Variants in CDC16 observed in about 807,000 individuals in gnomAD.
CDC16 encodes cell division cycle 16.
A neutral mutation model predicts 87.0 loss-of-function variants in CDC16; 34 were observed. The observed-to-expected ratio is 0.39, with a 90% CI of 0.30 to 0.52. The LOEUF is 0.52. Among genes scored for constraint, CDC16 ranks in the 20% least tolerant of loss-of-function variants. CDC16 has a pLI of 0.74. For missense variants in CDC16, 653 were observed against 751.9 expected, an observed-to-expected ratio of 0.87 and a Z score of 1.54; for synonymous variants, 263 against 260.6, an observed-to-expected ratio of 1.01 and a Z score of -0.09.
intron 14 of CDC16, among the ~76,000 whole-genome samples, chr13:114,261,461 A>G (rs962944605): frequency 6.6e-6 from 1 of 151,996 alleles, no homozygotes; most frequent in African/African-American, 2.4e-5. Context: ...GGTGCCATTC[A>G]CTGACTGGAG....
chr13:114,256,508 A>G (rs1013628953), intron 12 of CDC16, among the ~76,000 whole-genome samples: 3 of 152,260 alleles, frequency 2.0e-5, no homozygotes, highest in Non-Finnish European at 2.9e-5. Flanking sequence ...TCGTGTGAAC[A>G]GATGAAAATT....
chr13:114,270,500 T>C (rs532817272), intron 17 of CDC16, among the ~76,000 whole-genome samples: 1 of 152,232 alleles, frequency 6.6e-6, no homozygotes, highest in East Asian at 1.9e-4. Flanking sequence ...ACAAAACTAA[T>C]TGGTAGCGAT....
At chr13:114,256,963 G>T in intron 12 of CDC16, 115 bp from the exon 13 acceptor site, 1 of 598,994 alleles carries the variant, frequency 1.7e-6, no homozygotes, top group African/African-American at 1.9e-5. Flanking sequence ...AAAAGTAAAT[G>T]CTGTGTTTTG....
chr13:114,267,859 T>G (rs1037218108), intron 17 of CDC16, among the ~76,000 whole-genome samples: 1 of 151,958 alleles, frequency 6.6e-6, no homozygotes, highest in African/African-American at 2.4e-5. Flanking sequence ...AGTTACTCTC[T>G]CATTCCTCCA....
chr13:114,263,676 C>T (rs1393804738), intron 16 of CDC16, among the ~76,000 whole-genome samples: 1 of 152,204 alleles, frequency 6.6e-6, no homozygotes, highest in Non-Finnish European at 1.5e-5. Flanking sequence ...TGCCCTGGTG[C>T]TAGCACACAC....
At chr13:114,267,432 CAGAGGT>C (rs2139186591) in intron 17 of CDC16, among the ~76,000 whole-genome samples, 1 of 152,068 alleles carries the variant, frequency 6.6e-6, no homozygotes, top group East Asian at 1.9e-4. Context: ...ACCCGGGAGG[CAGAGGT>C]TGCAGTGAGC....
intron 12 of CDC16, among the ~76,000 whole-genome samples, chr13:114,255,525 A>G (rs1566665483): frequency 6.6e-6 from 1 of 152,106 alleles, no homozygotes; most frequent in Non-Finnish European, 1.5e-5. Context: ...CTGTCATGAC[A>G]CTCAAAAAGA....
At chr13:114,242,014 T>C in intron 5 of CDC16, 107 bp from the exon 6 acceptor site, 1 of 1,331,478 alleles carries the variant, frequency 7.5e-7, no homozygotes, top group Non-Finnish European at 1.0e-6. Flanking sequence ...ATCGCACCAC[T>C]GAACTCCAGC....
chr13:114,262,778 T>C, intron 15 of CDC16, 101 bp from the exon 16 acceptor site: 5 of 1,174,272 alleles, frequency 4.3e-6, no homozygotes, highest in African/African-American at 1.5e-5. Flanking sequence ...GCTGTTCTCA[T>C]TGAGACAGCG....
intron 5 of CDC16, among the ~76,000 whole-genome samples, chr13:114,241,226 A>C (rs919181193): frequency 6.6e-6 from 1 of 152,194 alleles, no homozygotes; most frequent in African/African-American, 2.4e-5. Context: ...GACTTCTATA[A>C]GTTAGATAGT....
intron 9 of CDC16, 85 bp downstream of exon 9, chr13:114,245,054 G>A (rs1041355682): frequency 1.6e-5 from 12 of 741,422 alleles, no homozygotes; most frequent in Middle Eastern, 2.7e-4. Flanking sequence ...TGAAATTCTG[G>A]ATAGTTGAGA....
chr13:114,244,779 C>T (rs3211416), intron 8 of CDC16, 111 bp from the exon 9 acceptor site: 349,612 of 578,424 alleles, frequency 0.6, 112,682 homozygotes, highest in Non-Finnish European at 0.69. Context: ...TGAAGTGTTA[C>T]AACCCACAGC....
rs2081273243 is a variant in CDC16, at chr13:114,236,785, A to C, written c.104-14A>C. 2.5e-6 allele frequency: 4 copies of C among 1,613,032 alleles called. No individual in the cohort carries two copies. The South Asian group carries it at 4.4e-5, about 18-fold the overall frequency. On this transcript the variant is annotated splice_polypyrimidine_tract_variant and intron_variant, in intron 2 of 17. Coordinates refer to ENST00000356221, the MANE Select transcript of CDC16 (RefSeq NM_001078645.3). ...CTTGTACCTCTGACCACTTATGTGA[A>C]TTTTTCCCTCCAGAAGAACCCCAGG...
chr13:114,266,943 T>G (rs955431720), intron 17 of CDC16, among the ~76,000 whole-genome samples: 1 of 151,840 alleles, frequency 6.6e-6, no homozygotes, highest in East Asian at 2.0e-4. Context: ...TGATCCGCCC[T>G]CCTCGGCCTC....
At chr13:114,247,985 A>G (rs1214206558) in intron 11 of CDC16, among the ~76,000 whole-genome samples, 1 of 152,162 alleles carries the variant, frequency 6.6e-6, no homozygotes, top group African/African-American at 2.4e-5. Flanking sequence ...TTAACCTTTT[A>G]CTTTTAGGAT....
In CDC16 at chr13:114,236,629, T is replaced by C. The variant is rs752900824; in HGVS notation, c.49-16T>C. ...TAACAGGGCAGTTACCACCTTTTTT[T>C]TTTTTTGGTATGCAGCAACAGTATC... On this transcript the variant is annotated splice_polypyrimidine_tract_variant and intron_variant, in intron 1 of 17. Coordinates refer to ENST00000356221, the MANE Select transcript of CDC16 (RefSeq NM_001078645.3). The C allele has an allele frequency of 4.8e-5, 77 of 1,605,998 alleles. No individual in the cohort carries two copies. Among genetic ancestry groups the C allele is most frequent in the Non-Finnish European group, 6.4e-5 (76 of 1,178,320 alleles).
At position 114,261,926 on chromosome 13, in the gene CDC16, G is replaced by A; in HGVS notation, c.1354G>A (p.Gly452Arg). Reference sequence around the variant, plus strand: ...ATGGGAACCTTTGTTGAACAACTTGGGGCATGTCTGCAGAAAACTTAAGTA... The same window carrying A: ...ATGGGAACCTTTGTTGAACAACTTGAGGCATGTCTGCAGAAAACTTAAGTA... Reference protein sequence around the residue: ...DKWEPLLNNLGHVCRKLKKYA... With the variant: ...DKWEPLLNNLRHVCRKLKKYA... Residue 452 changes from glycine (G) to arginine (R), a missense_variant, in exon 15 of 18, where the codon GGG becomes AGG. Physicochemically the swap from Gly to Arg is moderately radical, Grantham distance 125 (BLOSUM62 -2). Coordinates refer to ENST00000356221, the MANE Select transcript of CDC16 (RefSeq NM_001078645.3). The A allele has an allele frequency of 6.2e-7, 1 of 1,602,950 alleles. No individual in the cohort carries two copies. Among genetic ancestry groups the A allele is most frequent in the South Asian group, 1.1e-5 (1 of 88,924 alleles).
chr13:114,244,846 C>A, intron 8 of CDC16, 44 bp from the exon 9 acceptor site: 1 of 1,262,326 alleles, frequency 7.9e-7, no homozygotes, highest in South Asian at 1.2e-5. Flanking sequence ...TGAGTGCTGT[C>A]ACCTGCTGGT....
intron 12 of CDC16, among the ~76,000 whole-genome samples, chr13:114,253,507 T>C (rs1449852086): frequency 6.6e-6 from 1 of 152,010 alleles, no homozygotes; most frequent in Non-Finnish European, 1.5e-5. Flanking sequence ...CTGGCCAATA[T>C]GGTGAAACCC....
Sources: gnomAD v4.1 joint callset for allele counts (sites outside exome capture counted in the v4.1 genomes callset) on GRCh38, gnomAD v4.1.1 for gene constraint, MANE v1.5 for transcripts, NCBI Gene and HGNC (gene_info 2026-07-23, HGNC 2026-07-21) for gene names.